KCNG3: variants seen among roughly 807,000 people sequenced by gnomAD.
The protein encoded by KCNG3 is potassium voltage-gated channel modifier subfamily G member 3.
Under a neutral mutation model 29.0 loss-of-function variants are expected in KCNG3, and 15 were observed. The observed-to-expected ratio is 0.52, with a 90% confidence interval of 0.35 to 0.80. The LOEUF (loss-of-function observed/expected upper bound fraction) is 0.80. KCNG3 is among the 30% of genes least tolerant of loss of function. The probability of loss-of-function intolerance (pLI) is 0.01; values close to 1 mark genes in which losing one functional copy is unlikely to be tolerated. For synonymous variants in KCNG3, 322 were observed against 248.9 expected (o/e 1.29, Z -2.76); for missense variants, 512 against 605.7 (o/e 0.85, Z 1.62).
the KCNG3 span, among the ~76,000 whole-genome samples, chr2:42,419,746 T>C: frequency 6.6e-6 from 1 of 152,200 alleles, no homozygotes; most frequent in Non-Finnish European, 1.5e-5. Flanking sequence ...TAGACATAAC[T>C]TCAACAGAAT....
the KCNG3 span, among the ~76,000 whole-genome samples, chr2:42,428,224 C>G: frequency 6.6e-6 from 1 of 151,380 alleles, no homozygotes; most frequent in African/African-American, 2.4e-5. Context: ...CTTTGGGAGG[C>G]CGAGGCAGGT....
At chr2:42,418,517 A>G in the KCNG3 span, among the ~76,000 whole-genome samples, 1 of 152,156 alleles carries the variant, frequency 6.6e-6, no homozygotes, top group African/African-American at 2.4e-5. Context: ...TTCATTTTGT[A>G]TATTTCTTTA....
At chr2:42,391,595 C>CTTTTTTTTTTTTT in the KCNG3 span, among the ~76,000 whole-genome samples, 1 of 88,106 alleles carries the variant, frequency 1.1e-5, no homozygotes, top group Non-Finnish European at 2.0e-5. Flanking sequence ...TTTTATATCT[C>CTTTTTTTTTTTTT]TTTTTTTTTT....
At chr2:42,452,244 T>TATATATATATATATATA (rs1491559721) in intron 1 of KCNG3, among the ~76,000 whole-genome samples, 5 of 57,006 alleles carry the variant, frequency 8.8e-5, no homozygotes, top group East Asian at 1.9e-3. Context: ...TATATATATA[T>TATATATATATATATATA]TTTTTTTTTT....
chr2:42,419,742 T>C, the KCNG3 span, among the ~76,000 whole-genome samples: 1 of 152,188 alleles, frequency 6.6e-6, no homozygotes, highest in African/African-American at 2.4e-5. Context: ...TCTGTAGACA[T>C]AACTTCAACA....
At chr2:42,473,305 T>C (rs1228491597) in intron 1 of KCNG3, among the ~76,000 whole-genome samples, 1 of 152,156 alleles carries the variant, frequency 6.6e-6, no homozygotes, top group Admixed American at 6.6e-5. Context: ...TTATAATGAC[T>C]TTTATGCATA....
At chr2:42,417,146 G>T in the KCNG3 span, among the ~76,000 whole-genome samples, 1 of 152,088 alleles carries the variant, frequency 6.6e-6, no homozygotes, top group African/African-American at 2.4e-5. Flanking sequence ...GGGAGGCTGA[G>T]GCAAGAGAAT....
At chr2:42,454,629 T>C (rs555990934) in intron 1 of KCNG3, among the ~76,000 whole-genome samples, 7 of 152,048 alleles carry the variant, frequency 4.6e-5, no homozygotes, top group East Asian at 1.9e-4. Flanking sequence ...GGAGAATCAC[T>C]TGAACCAGGG....
chr2:42,407,953 C>A, the KCNG3 span, among the ~76,000 whole-genome samples: 1 of 152,222 alleles, frequency 6.6e-6, no homozygotes, highest in Non-Finnish European at 1.5e-5. Flanking sequence ...CTTGCAGGCT[C>A]GGAAATGCCT....
chr2:42,492,640 G>T (rs1347428445), intron 1 of KCNG3, among the ~76,000 whole-genome samples, 197 bp downstream of exon 1: 1 of 152,232 alleles, frequency 6.6e-6, no homozygotes, highest in African/African-American at 2.4e-5. Flanking sequence ...GTAAGGGCCA[G>T]ACCCCGCTGG....
the KCNG3 span, among the ~76,000 whole-genome samples, chr2:42,393,923 G>A: frequency 9.9e-5 from 15 of 152,062 alleles, no homozygotes; most frequent in Non-Finnish European, 1.9e-4. Flanking sequence ...TGAGATTACA[G>A]GTGCCCGACA....
chr2:42,446,083 C>CA (rs1464971915), intron 1 of KCNG3, among the ~76,000 whole-genome samples: 1 of 152,098 alleles, frequency 6.6e-6, no homozygotes, highest in East Asian at 1.9e-4. Context: ...CCCCAGCCCT[C>CA]AGCCCATAAA....
intron 1 of KCNG3, among the ~76,000 whole-genome samples, chr2:42,466,797 G>A (rs1463535918): frequency 6.8e-6 from 1 of 146,034 alleles, no homozygotes; most frequent in African/African-American, 2.6e-5. Context: ...CTGTCATCCA[G>A]GCTGGAGTGC....
chr2:42,445,199 A>T (rs769946804), intron 1 of KCNG3, among the ~76,000 whole-genome samples: 2 of 152,172 alleles, frequency 1.3e-5, no homozygotes, highest in Non-Finnish European at 2.9e-5. Flanking sequence ...GGTAGTTTGA[A>T]ATTAACTTAT....
the KCNG3 span, among the ~76,000 whole-genome samples, chr2:42,419,356 G>A: frequency 6.9e-6 from 1 of 145,784 alleles, no homozygotes; most frequent in Non-Finnish European, 1.5e-5. Flanking sequence ...TCCTGCCTCA[G>A]CCTCCCAAGT....
rs1328091998 is a variant in KCNG3, at chr2:42,477,382, T to TACACAC, written c.665+15454_665+15455insGTGTGT. 3.9e-3 allele frequency among the ~76,000 whole-genome samples: 415 copies of TACACAC among 105,172 alleles called. 1 individual carries two copies. The highest frequency in any genetic ancestry group is 7.5e-3 in the East Asian group (22 of 2,952). The allele number at this position is 105,172 out of a possible 152,430, so 69.0% of individuals were successfully genotyped here. On this transcript the variant is annotated intron_variant, in intron 1 of 1. Transcript: ENST00000306078. The stretch of plus-strand genomic sequence containing the variant: ...GTATATACATATATATACACACACA[T>TACACAC]ATATATACACACACACACACACACA...
Position 42,467,303 on chromosome 2 carries a change from G to C in KCNG3, c.666-22724C>G, listed in dbSNP as rs192142797. Among the ~76,000 whole-genome samples, 20 of 152,216 alleles carry C rather than the reference G, an allele frequency of 1.3e-4. No individual in the cohort carries two copies. In the East Asian group the frequency reaches 3.7e-3, roughly 28 times the overall value. On this transcript the variant is annotated intron_variant, in intron 1 of 1. Transcript: ENST00000306078. The stretch of plus-strand genomic sequence containing the variant: ...ACAGGCAAGTTCTATCATATACCAA[G>C]CATGAATAATTCCTATTTTATATAA...
At chr2:42,448,158 T>A (rs1672650929) in intron 1 of KCNG3, among the ~76,000 whole-genome samples, 1 of 152,190 alleles carries the variant, frequency 6.6e-6, no homozygotes, top group South Asian at 2.1e-4. Context: ...CCTGTCTGTA[T>A]CACTTGCTCA....
chr2:42,478,557 T>TAA (rs796664433), intron 1 of KCNG3, among the ~76,000 whole-genome samples: 1 of 146,000 alleles, frequency 6.8e-6, no homozygotes, highest in Non-Finnish European at 1.5e-5. Flanking sequence ...AGGTAAAGCT[T>TAA]AAAAAAAAAA....
Sources: allele counts gnomAD v4.1 joint callset (sites outside exome capture counted in the v4.1 genomes callset), GRCh38; gene constraint gnomAD v4.1.1; transcripts MANE v1.5; gene names NCBI Gene and HGNC (gene_info 2026-07-23, HGNC 2026-07-21).